The following TAF4 variants were observed in gnomAD, a reference collection of about 807,000 sequenced individuals.
TAF4 encodes the protein transcription initiation factor TFIID subunit 4.
Under a neutral mutation model 90.3 loss-of-function variants are expected in TAF4, and 9 were observed. The ratio of observed to expected loss-of-function variants is 0.10; its 90% CI spans 0.06 to 0.17. The LOEUF (loss-of-function observed/expected upper bound fraction) is 0.17, where lower values mean the gene tolerates loss of function less well. TAF4 is among the 10% of genes least tolerant of loss of function. The probability of loss-of-function intolerance (pLI) is 1.00; values close to 1 mark genes in which losing one functional copy is unlikely to be tolerated. For missense variants in TAF4, 1,351 were observed against 1,370.7 expected (o/e 0.99, Z 0.23); for synonymous variants, 818 against 638.9 (o/e 1.28, Z -4.23).
At chr20:62,056,651 G>A (rs926546540) in intron 1 of TAF4, among the ~76,000 whole-genome samples, 2 of 152,098 alleles carry the variant, frequency 1.3e-5, no homozygotes, top group Admixed American at 1.3e-4. Context: ...TGGGTCACAG[G>A]AGAACTGTAA....
intron 12 of TAF4, among the ~76,000 whole-genome samples, 190 bp from the exon 13 acceptor site, chr20:61,998,382 G>T (rs545679367): frequency 6.6e-6 from 1 of 152,338 alleles, no homozygotes; most frequent in African/African-American, 2.4e-5. Context: ...CAGTAATCTT[G>T]AGAAAAGTCA....
chr20:62,008,471 G>A (rs1210292925), intron 5 of TAF4, among the ~76,000 whole-genome samples: 1 of 151,504 alleles, frequency 6.6e-6, no homozygotes, highest in Non-Finnish European at 1.5e-5. Context: ...GGAGAGGGGA[G>A]GCTGCCAGGA....
intron 1 of TAF4, among the ~76,000 whole-genome samples, chr20:62,041,436 T>A (rs2146852): frequency 6.6e-6 from 1 of 151,796 alleles, no homozygotes; most frequent in South Asian, 2.1e-4. Flanking sequence ...AAGACCATCC[T>A]GGCTAACAGG....
At chr20:62,049,226 T>C (rs1257856407) in intron 1 of TAF4, among the ~76,000 whole-genome samples, 2 of 152,074 alleles carry the variant, frequency 1.3e-5, no homozygotes, top group East Asian at 1.9e-4. Context: ...CATCAGGATG[T>C]GCCGAGACCC....
rs1325923174 is a variant in TAF4 at position 62,021,436 on chromosome 20, C to T, written c.1361-6729G>A. Reference sequence around the variant, plus strand: ...CAGTAAGCACCTGGGAACCCACAGCCCTTCTAGCTGCTGAGACACAGCTGC... The same window carrying T: ...CAGTAAGCACCTGGGAACCCACAGCTCTTCTAGCTGCTGAGACACAGCTGC... On this transcript the variant is annotated intron_variant, in intron 1 of 14. Transcript: ENST00000252996. Among the ~76,000 whole-genome samples the T allele has an allele frequency of 4.6e-5, 7 of 152,346 alleles. No individual in the cohort carries two copies. In the East Asian group the frequency reaches 1.3e-3, roughly 29 times the overall value.
intron 1 of TAF4, among the ~76,000 whole-genome samples, chr20:62,044,217 C>T (rs1286932332): frequency 6.6e-6 from 1 of 152,080 alleles, no homozygotes; most frequent in African/African-American, 2.4e-5. Context: ...CCTGAGTGTA[C>T]TACACATAAA....
At chr20:62,019,928 C>T (rs1316808643) in intron 1 of TAF4, among the ~76,000 whole-genome samples, 3 of 152,334 alleles carry the variant, frequency 2.0e-5, no homozygotes, top group Admixed American at 1.3e-4. Context: ...TGCCGCAGGC[C>T]GCCCCGCACT....
chr20:62,059,473 T>C (rs2056077943), intron 1 of TAF4, among the ~76,000 whole-genome samples: 2 of 152,168 alleles, frequency 1.3e-5, no homozygotes, highest in Non-Finnish European at 2.9e-5. Flanking sequence ...CACGCAAGAA[T>C]TGGAAAGAAC....
intron 4 of TAF4, 143 bp downstream of exon 4, chr20:62,009,903 T>G: frequency 7.5e-7 from 1 of 1,338,884 alleles, no homozygotes. Context: ...CGTGCTCACG[T>G]GGGCCCCAGA....
At chr20:62,031,965 A>G (rs1315743495) in intron 1 of TAF4, among the ~76,000 whole-genome samples, 8 of 151,666 alleles carry the variant, frequency 5.3e-5, no homozygotes, top group Non-Finnish European at 1.0e-4. Flanking sequence ...TCTCACCATC[A>G]GCAAGCAAGA....
intron 12 of TAF4, among the ~76,000 whole-genome samples, chr20:61,998,432 T>C (rs1307104431): frequency 3.3e-5 from 5 of 152,224 alleles, no homozygotes; most frequent in African/African-American, 7.2e-5. Context: ...GAAACACATC[T>C]ACCAATCGCA....
rs769084437 is a variant in TAF4, at chr20:62,012,947, CAG to C, written c.1522-15_1522-14del. ...GTGTTCCAGGTGCCTGAAAAATAAG[CAG>C]AGTCACCTAAAACGAGCGCAAGTAA... On this transcript the variant is annotated splice_polypyrimidine_tract_variant and intron_variant, in intron 2 of 14. Transcript: ENST00000252996. 17 of 1,612,064 alleles carry C rather than the reference CAG, an allele frequency of 1.1e-5. No individual in the cohort carries two copies. Among genetic ancestry groups the C allele is most frequent in the Non-Finnish European group, 1.4e-5 (17 of 1,179,468 alleles).
At chr20:62,063,053 C>A (rs902388892) in intron 1 of TAF4, among the ~76,000 whole-genome samples, 6 of 152,192 alleles carry the variant, frequency 3.9e-5, no homozygotes, top group Non-Finnish European at 8.8e-5. Context: ...CAAAACCAAG[C>A]CTCTGGCAAA....
At chr20:61,985,390 GAC>G (rs1009109352) in intron 14 of TAF4, among the ~76,000 whole-genome samples, 4 of 151,872 alleles carry the variant, frequency 2.6e-5, no homozygotes, top group African/African-American at 9.7e-5. Flanking sequence ...GCCAGCCCAG[GAC>G]ACAGAGCAAG....
At chr20:61,985,902 C>CCACCATCCCCGACCAAAGGAAG (rs2055586861) in intron 14 of TAF4, among the ~76,000 whole-genome samples, 2 of 112,426 alleles carry the variant, frequency 1.8e-5, no homozygotes, top group East Asian at 4.8e-4. Flanking sequence ...ACCAAAGGAA[C>CCACCATCCCCGACCAAAGGAAG]CACCATCCCC....
chr20:62,017,515 C>T (rs2055818831), intron 1 of TAF4, among the ~76,000 whole-genome samples: 1 of 150,866 alleles, frequency 6.6e-6, no homozygotes, highest in African/African-American at 2.4e-5. Context: ...GGCATGGTGG[C>T]GGGCCCCTGT....
At chr20:61,993,500 G>A (rs1378650335) in intron 14 of TAF4, among the ~76,000 whole-genome samples, 1 of 152,188 alleles carries the variant, frequency 6.6e-6, no homozygotes, top group Non-Finnish European at 1.5e-5. Flanking sequence ...GGGTGGGAGG[G>A]CCCTACAGAT....
intron 11 of TAF4, 115 bp downstream of exon 11, chr20:62,000,009 A>G: frequency 7.6e-7 from 1 of 1,315,080 alleles, no homozygotes. Context: ...CGTAAGGAAC[A>G]TGGAGGCACT....
At chr20:62,037,330 T>C (rs1366774826) in intron 1 of TAF4, 1 of 152,270 alleles carries the variant, frequency 6.6e-6, no homozygotes, top group Admixed American at 6.5e-5. Context: ...GAACCACTCT[T>C]TACTGCAGAT....
Sources: gnomAD v4.1 joint callset for allele counts (sites outside exome capture counted in the v4.1 genomes callset) on GRCh38, gnomAD v4.1.1 for gene constraint, MANE v1.5 for transcripts, NCBI Gene and HGNC (gene_info 2026-07-23, HGNC 2026-07-21) for gene names.